Variants in SLC1A2 observed in about 807,000 individuals in gnomAD.
SLC1A2 encodes solute carrier family 1 member 2, also known as excitatory amino acid transporter 2.
SLC1A2 carries 15 observed loss-of-function variants against 48.8 expected under a neutral mutation model. The observed-to-expected ratio is 0.31, with a 90% CI of 0.21 to 0.47. The LOEUF is 0.47. SLC1A2 is among the 20% of genes least tolerant of loss of function. SLC1A2 has a pLI of 0.99. For synonymous variants in SLC1A2, 279 were observed against 272.6 expected (o/e 1.02, Z -0.23); for missense variants, 502 against 730.5 (o/e 0.69, Z 3.61).
intron 1 of SLC1A2, among the ~76,000 whole-genome samples, chr11:35,359,243 A>G (rs759940544): frequency 2.2e-4 from 33 of 152,250 alleles, no homozygotes; most frequent in Non-Finnish European, 4.3e-4. Context: ...AGACACTAAC[A>G]TTAGAACCTG....
chr11:35,389,739 A>C (rs1854703316), intron 1 of SLC1A2, among the ~76,000 whole-genome samples: 1 of 151,688 alleles, frequency 6.6e-6, no homozygotes, highest in Admixed American at 6.6e-5. Flanking sequence ...CAAAGTGCTG[A>C]GATTACAGGC....
chr11:35,318,071 A>G (rs1350243974), intron 1 of SLC1A2, among the ~76,000 whole-genome samples: 1 of 152,248 alleles, frequency 6.6e-6, no homozygotes, highest in Non-Finnish European at 1.5e-5. Flanking sequence ...AAAAATAATA[A>G]TAATAATTCA....
intron 9 of SLC1A2, among the ~76,000 whole-genome samples, chr11:35,279,262 A>G (rs1434335937): frequency 6.6e-6 from 1 of 152,266 alleles, no homozygotes; most frequent in Admixed American, 6.5e-5. Context: ...TCCAAGCCCA[A>G]GTGGGCACTT....
rs1456034491 is a variant in SLC1A2 at position 35,365,145 on chromosome 11, T to C, written c.18-47629A>G. On this transcript the variant is annotated intron_variant, in intron 1 of 10. Coordinates refer to ENST00000278379, the MANE Select transcript of SLC1A2 (RefSeq NM_004171.4). Reference sequence around the variant, plus strand: ...CACATGGGACAAACATCAAAGTGGATGGGTCAGGAGATGATACTGAGGAGG... The same window carrying C: ...CACATGGGACAAACATCAAAGTGGACGGGTCAGGAGATGATACTGAGGAGG... 2.0e-5 allele frequency among the ~76,000 whole-genome samples: 3 copies of C among 152,156 alleles called. No homozygotes were observed. In the East Asian group the frequency reaches 5.8e-4, roughly 29 times the overall value.
intron 8 of SLC1A2, among the ~76,000 whole-genome samples, chr11:35,283,590 G>A (rs1243372017): frequency 6.6e-6 from 1 of 152,060 alleles, no homozygotes; most frequent in Non-Finnish European, 1.5e-5. Flanking sequence ...TCACTCACTG[G>A]TCCATTCTCC....
At chr11:35,395,459 G>A (rs1273786268) in intron 1 of SLC1A2, among the ~76,000 whole-genome samples, 1 of 151,948 alleles carries the variant, frequency 6.6e-6, no homozygotes. Context: ...CAAAGTCAAG[G>A]GAAGGTAAGA....
intron 9 of SLC1A2, among the ~76,000 whole-genome samples, chr11:35,272,423 GA>G (rs1850304574): frequency 6.6e-6 from 1 of 152,224 alleles, no homozygotes; most frequent in Non-Finnish European, 1.5e-5. Flanking sequence ...GGCATTCTGG[GA>G]AGATTCCCAG....
chr11:35,388,992 T>C (rs1055265211), intron 1 of SLC1A2, among the ~76,000 whole-genome samples: 1 of 152,192 alleles, frequency 6.6e-6, no homozygotes, highest in Admixed American at 6.5e-5. Flanking sequence ...TGATGCGATG[T>C]TCACTATTTG....
intron 5 of SLC1A2, 114 bp from the exon 6 acceptor site, chr11:35,301,759 A>G (rs547110416): frequency 5.7e-5 from 52 of 914,780 alleles, no homozygotes; most frequent in African/African-American, 1.7e-4. Context: ...TGGTTACCCT[A>G]TGAATTAGAC....
At chr11:35,403,221 GA>G (rs1855186841) in intron 1 of SLC1A2, among the ~76,000 whole-genome samples, 1 of 152,208 alleles carries the variant, frequency 6.6e-6, no homozygotes, top group African/African-American at 2.4e-5. Flanking sequence ...AAAAGATAAA[GA>G]ATCTGAGTCT....
intron 1 of SLC1A2, among the ~76,000 whole-genome samples, chr11:35,363,509 T>TC (rs1853749435): frequency 6.6e-6 from 1 of 152,134 alleles, no homozygotes; most frequent in African/African-American, 2.4e-5. Flanking sequence ...TTCAGATCTC[T>TC]CCAGGCTGTC....
At chr11:35,275,451 CTT>C (rs36055801) in intron 9 of SLC1A2, among the ~76,000 whole-genome samples, 49,147 of 152,070 alleles carry the variant, frequency 0.32, 9,081 homozygotes, top group South Asian at 0.53. Flanking sequence ...AGCAAGGTCT[CTT>C]ATAAATATCT....
At chr11:35,308,770 G>T (rs1380287385) in intron 4 of SLC1A2, among the ~76,000 whole-genome samples, 1 of 152,148 alleles carries the variant, frequency 6.6e-6, no homozygotes, top group African/African-American at 2.4e-5. Context: ...AGCATAGCAG[G>T]TGCTAATTCC....
rs116179291 is a variant in SLC1A2 at position 35,315,219 on chromosome 11, G to A, written c.158-44C>T. The A allele has an allele frequency of 2.5e-3, 3,804 of 1,503,204 alleles. 73 individuals carry two copies. In the African/African-American group the frequency reaches 0.045, roughly 18 times the overall value. The allele number at this position is 1,503,204 out of a possible 1,614,324, so 93.1% of individuals were successfully genotyped here. ...CAATATGAATTTATTTTTTGCCTTC[G>A]TCAAATGACTTACTCTAGACACTTA... On this transcript the variant is annotated intron_variant, in intron 2 of 10. Coordinates refer to ENST00000278379, the MANE Select transcript of SLC1A2 (RefSeq NM_004171.4).
intron 10 of SLC1A2, among the ~76,000 whole-genome samples, chr11:35,262,724 T>A (rs1159598570): frequency 1.3e-5 from 2 of 152,258 alleles, no homozygotes; most frequent in Non-Finnish European, 2.9e-5. Context: ...TTGCTTTACC[T>A]AGCAAAGGCT....
chr11:35,398,383 C>T (rs532826568), intron 1 of SLC1A2, among the ~76,000 whole-genome samples: 1 of 152,268 alleles, frequency 6.6e-6, no homozygotes, highest in South Asian at 2.1e-4. Flanking sequence ...ATCTGGAGGC[C>T]ATTATCCTAA....
rs769294295 is a variant in SLC1A2, at chr11:35,265,631, T to A, written c.1549A>T (p.Thr517Ser). Reference sequence around the variant, plus strand: ...TCATCATAAATGGATTGAGTCTTGGTCATTTCAATATCTTCATGCACTCGA... The same window carrying A: ...TCATCATAAATGGATTGAGTCTTGGACATTTCAATATCTTCATGCACTCGA... Reference protein sequence around the residue: ...QHRVHEDIEMTKTQSIYDDMK... With the variant: ...QHRVHEDIEMSKTQSIYDDMK... Residue 517 changes from threonine (T) to serine (S), a missense_variant, in exon 10 of 11, where the codon ACC becomes TCC. Thr to Ser is a moderately conservative substitution (Grantham distance 58). This residue lies in a region of SLC1A2 where 102 missense variants were observed against 107.2 expected (regional missense o/e 0.95). Coordinates refer to ENST00000278379, the MANE Select transcript of SLC1A2 (RefSeq NM_004171.4). 3 of 1,612,718 alleles carry A rather than the reference T, an allele frequency of 1.9e-6. No individual in the cohort carries two copies. The highest frequency in any genetic ancestry group is 2.2e-5 in the East Asian group (1 of 44,886).
At position 35,315,202 on chromosome 11, in the gene SLC1A2, AT is replaced by A. The variant is rs754263414; in HGVS notation, c.158-28del. 4 of 1,604,712 alleles carry A rather than the reference AT, an allele frequency of 2.5e-6. No homozygotes were observed. The Admixed American group carries it at 6.7e-5, about 27-fold the overall frequency. Reference sequence around the variant, plus strand: ...TAAAAGGAAGGGGAAAACAATATGAATTTATTTTTTGCCTTCGTCAAATGAC... The same window carrying A: ...TAAAAGGAAGGGGAAAACAATATGAATTATTTTTTGCCTTCGTCAAATGAC... On this transcript the variant is annotated intron_variant, in intron 2 of 10. Coordinates refer to ENST00000278379, the MANE Select transcript of SLC1A2 (RefSeq NM_004171.4).
At chr11:35,403,558 G>A (rs1855194277) in intron 1 of SLC1A2, among the ~76,000 whole-genome samples, 1 of 152,184 alleles carries the variant, frequency 6.6e-6, no homozygotes, top group Non-Finnish European at 1.5e-5. Context: ...ATGAAATCTT[G>A]AGACCCCTTG....
Sources: gnomAD v4.1 joint callset for allele counts (sites outside exome capture counted in the v4.1 genomes callset) on GRCh38, gnomAD v4.1.1 for gene constraint, gnomAD v4.1.1 regional missense constraint, MANE v1.5 for transcripts, NCBI Gene and HGNC (gene_info 2026-07-23, HGNC 2026-07-21) for gene names.